Variants in ITGBL1 observed in about 807,000 individuals in gnomAD.
ITGBL1 encodes integrin subunit beta like 1.
ITGBL1 carries 51 observed loss-of-function variants against 68.5 expected under a neutral mutation model. That is an observed-to-expected ratio of 0.74 (90% CI 0.59 to 0.94). The LOEUF is 0.94. ITGBL1 is among the 40% of genes least tolerant of loss of function. The pLI is 0.00. For synonymous variants in ITGBL1, 209 were observed against 227.3 expected (o/e 0.92, Z 0.72); for missense variants, 649 against 647.4 (o/e 1.00, Z -0.03).
rs538835178 is a variant in ITGBL1 at position 101,701,930 on chromosome 13, G to A, written c.1133-4826G>A. On this transcript the variant is annotated intron_variant, in intron 8 of 10. Transcript: ENST00000376180. ...AGATGAATGGTGGTGATGGTTGTAC[G>A]ACAATGAGAATATACTTAATGCTAC... 7.9e-5 allele frequency among the ~76,000 whole-genome samples: 12 copies of A among 152,186 alleles called. No homozygotes were observed. In the South Asian group the frequency reaches 2.3e-3, roughly 29 times the overall value.
intron 7 of ITGBL1, among the ~76,000 whole-genome samples, chr13:101,621,059 G>T (rs1375217300): frequency 6.6e-6 from 1 of 152,126 alleles, no homozygotes; most frequent in African/African-American, 2.4e-5. Flanking sequence ...TATATCACCA[G>T]ACAAGGTGAA....
intron 5 of ITGBL1, among the ~76,000 whole-genome samples, chr13:101,581,052 A>G (rs889844728): frequency 1.2e-4 from 18 of 152,172 alleles, no homozygotes; most frequent in African/African-American, 4.3e-4. Context: ...CTACCCTGAA[A>G]GCATTTCTGC....
At chr13:101,631,699 G>A (rs993434621) in intron 7 of ITGBL1, among the ~76,000 whole-genome samples, 1 of 152,016 alleles carries the variant, frequency 6.6e-6, no homozygotes, top group Non-Finnish European at 1.5e-5. Context: ...CATTTTTTGT[G>A]TATCATGAAA....
intron 7 of ITGBL1, among the ~76,000 whole-genome samples, chr13:101,632,129 T>TTCTC (rs71125012): frequency 6.6e-6 from 1 of 150,508 alleles, no homozygotes; most frequent in African/African-American, 2.4e-5. Flanking sequence ...GGATAAAATA[T>TTCTC]TCTCTCTCTC....
chr13:101,495,473 T>G (rs1280533034), intron 2 of ITGBL1, among the ~76,000 whole-genome samples: 1 of 152,144 alleles, frequency 6.6e-6, no homozygotes, highest in Non-Finnish European at 1.5e-5. Context: ...TCTCATCCCC[T>G]CAAGGTTTGG....
At chr13:101,497,873 T>TA (rs2048879946) in intron 2 of ITGBL1, among the ~76,000 whole-genome samples, 2 of 151,926 alleles carry the variant, frequency 1.3e-5, no homozygotes, top group African/African-American at 4.8e-5. Flanking sequence ...TTTTTTTTTT[T>TA]ACCTTTTCGG....
At chr13:101,665,689 A>G (rs916178460) in intron 7 of ITGBL1, among the ~76,000 whole-genome samples, 2 of 152,152 alleles carry the variant, frequency 1.3e-5, no homozygotes, top group Non-Finnish European at 2.9e-5. Context: ...CGTGCTCCCA[A>G]TCTTGGAGAA....
intron 7 of ITGBL1, among the ~76,000 whole-genome samples, chr13:101,608,084 T>TG (rs1566755898): frequency 6.6e-6 from 1 of 152,064 alleles, no homozygotes. Context: ...AGGTGTGAAA[T>TG]GGGGGAAGAA....
chr13:101,552,915 T>C (rs2049944262), intron 2 of ITGBL1, among the ~76,000 whole-genome samples: 1 of 152,222 alleles, frequency 6.6e-6, no homozygotes, highest in Admixed American at 6.5e-5. Context: ...AAAAATGTTC[T>C]CTCTGTCTAT....
intron 2 of ITGBL1, among the ~76,000 whole-genome samples, chr13:101,489,112 A>T (rs2048740194): frequency 6.6e-6 from 1 of 152,244 alleles, no homozygotes; most frequent in Non-Finnish European, 1.5e-5. Context: ...AGAAACTGTA[A>T]TGAGTGGCTA....
At chr13:101,656,391 A>T (rs538550043) in intron 7 of ITGBL1, among the ~76,000 whole-genome samples, 1 of 152,320 alleles carries the variant, frequency 6.6e-6, no homozygotes, top group South Asian at 2.1e-4. Context: ...CCATTTCAAC[A>T]TATGGCAGGG....
chr13:101,591,783 T>C (rs1198423104), intron 6 of ITGBL1, among the ~76,000 whole-genome samples: 1 of 152,202 alleles, frequency 6.6e-6, no homozygotes, highest in Non-Finnish European at 1.5e-5. Context: ...ATTCCACTTT[T>C]AAAATTCTTC....
At chr13:101,549,606 T>C (rs137914898) in intron 2 of ITGBL1, among the ~76,000 whole-genome samples, 1,756 of 151,938 alleles carry the variant, frequency 0.012, 34 homozygotes, top group African/African-American at 0.04. Context: ...ATAAGCCAAA[T>C]ATATGAGGAG....
At chr13:101,459,136 C>T (rs563307451) in intron 2 of ITGBL1, among the ~76,000 whole-genome samples, 66 of 152,242 alleles carry the variant, frequency 4.3e-4, no homozygotes, top group African/African-American at 1.5e-3. Context: ...AAAGAACTCT[C>T]ATTTTTAAGT....
intron 2 of ITGBL1, among the ~76,000 whole-genome samples, chr13:101,538,341 A>C (rs2049616064): frequency 6.6e-6 from 1 of 151,828 alleles, no homozygotes; most frequent in African/African-American, 2.4e-5. Context: ...ACAGACTAGA[A>C]GTAATGAATA....
intron 8 of ITGBL1, among the ~76,000 whole-genome samples, chr13:101,696,033 T>A (rs1195068939): frequency 1.3e-5 from 2 of 152,170 alleles, no homozygotes; most frequent in Non-Finnish European, 2.9e-5. Flanking sequence ...GCGTGCGACT[T>A]CTTCTAAGCC....
intron 9 of ITGBL1, chr13:101,713,226 T>C (rs1454459067): frequency 1.3e-5 from 2 of 152,208 alleles, no homozygotes; most frequent in Admixed American, 1.3e-4. Context: ...TGAACCTGAA[T>C]CCTTTCATGA....
At chr13:101,719,191 TAA>T (rs2034832826), downstream of ITGBL1, 1 of 152,108 alleles carries the variant, frequency 6.6e-6, no homozygotes, top group Non-Finnish European at 1.5e-5. Context: ...ACTTAAAGAA[TAA>T]GTTTTTGGTT....
rs562901626 is a variant in ITGBL1 at position 101,707,507 on chromosome 13, T to C, written c.1279+605T>C. On this transcript the variant is annotated intron_variant, in intron 9 of 10. Transcript: ENST00000376180. ...TTTTCTTTGCCCTAAAAATCACCAATTGTTCCAAGTAAACATGTGCAGCCT... is the reference window on the plus strand; with the variant it reads ...TTTTCTTTGCCCTAAAAATCACCAACTGTTCCAAGTAAACATGTGCAGCCT... Among the ~76,000 whole-genome samples, 4 of 152,300 alleles carry C rather than the reference T, an allele frequency of 2.6e-5. No homozygotes were observed. In the South Asian group the frequency reaches 8.3e-4, roughly 32 times the overall value.
Sources: gnomAD v4.1 joint callset for allele counts (sites outside exome capture counted in the v4.1 genomes callset) on GRCh38, gnomAD v4.1.1 for gene constraint, MANE v1.5 for transcripts, NCBI Gene and HGNC (gene_info 2026-07-23, HGNC 2026-07-21) for gene names.